TECPR2: variants seen among roughly 807,000 people sequenced by gnomAD.
TECPR2 encodes the protein tectonin beta-propeller repeat containing 2, also known as tectonin beta-propeller repeat-containing protein 2.
TECPR2 carries 65 observed loss-of-function variants against 138.1 expected under a neutral mutation model. The ratio of observed to expected loss-of-function variants is 0.47; its 90% CI spans 0.39 to 0.58. TECPR2 has a LOEUF of 0.58. Among genes scored for constraint, TECPR2 ranks in the 20% least tolerant of loss-of-function variants. The pLI, the probability that TECPR2 is intolerant of heterozygous loss-of-function variation, is 0.00. For missense variants in TECPR2, 1,553 were observed against 1,824.5 expected, an observed-to-expected ratio of 0.85 and a Z score of 2.71; for synonymous variants, 746 against 749.8, an observed-to-expected ratio of 0.99 and a Z score of 0.08.
In TECPR2 at chr14:102,415,559, G is replaced by T. The variant is rs536740128; in HGVS notation, c.638+766G>T. 2.6e-5 allele frequency among the ~76,000 whole-genome samples: 4 copies of T among 152,240 alleles called. No individual in the cohort carries two copies. Among genetic ancestry groups the T allele is most frequent in the East Asian group, 3.9e-4 (2 of 5,168 alleles). On this transcript the variant is annotated intron_variant, in intron 5 of 19. Coordinates refer to ENST00000359520, the MANE Select transcript of TECPR2 (RefSeq NM_014844.5). This position sits in a 1 kb window ranked among gnomAD's most constrained non-coding sequence, Gnocchi z 4.3. ...TTGTAGGACTCTGCAGCGAGTTTGC[G>T]TGGGGATGGGGTGAGGAGGGGTAGG...
intron 16 of TECPR2, among the ~76,000 whole-genome samples, chr14:102,453,496 G>GA (rs557599302): frequency 6.6e-6 from 1 of 151,432 alleles, no homozygotes; most frequent in African/African-American, 2.4e-5. Context: ...AAAAAAAGAA[G>GA]AAGAAAGAAA....
At chr14:102,472,469 A>T (rs1890671599) in intron 17 of TECPR2, among the ~76,000 whole-genome samples, 1 of 152,218 alleles carries the variant, frequency 6.6e-6, no homozygotes, top group African/African-American at 2.4e-5. Flanking sequence ...TGCTCTGAAT[A>T]AAGTAGTGAT....
At chr14:102,449,003 A>G (rs1261552264) in intron 13 of TECPR2, among the ~76,000 whole-genome samples, 2 of 151,726 alleles carry the variant, frequency 1.3e-5, no homozygotes, top group East Asian at 3.9e-4. Flanking sequence ...GGTTCATGCC[A>G]GTAATCCCAA....
chr14:102,464,663 G>A (rs1354346231), intron 16 of TECPR2, among the ~76,000 whole-genome samples: 2 of 152,208 alleles, frequency 1.3e-5, no homozygotes, highest in African/African-American at 4.8e-5. Flanking sequence ...AAGATTACAG[G>A]TGTGTGCCAC....
intron 7 of TECPR2, among the ~76,000 whole-genome samples, chr14:102,430,394 G>A (rs145196828): frequency 8.5e-5 from 13 of 152,292 alleles, no homozygotes; most frequent in Non-Finnish European, 1.8e-4. Flanking sequence ...TCAGCAAGTC[G>A]CTTCACAGCA....
In TECPR2 at chr14:102,407,426, T is replaced by C. The variant is rs763375548; in HGVS notation, c.308T>C (p.Val103Ala). 4 of 1,613,322 alleles carry C rather than the reference T, an allele frequency of 2.5e-6. No homozygotes were observed. In the African/African-American group the frequency reaches 5.3e-5, roughly 22 times the overall value. Reference protein sequence around the residue: ...AAGTASGRVAVFQLVSSLPGR... With the variant: ...AAGTASGRVAAFQLVSSLPGR... Reference sequence around the variant, plus strand: ...GGCACAGCCTCTGGCAGGGTTGCAGTTTTTCAACTTGTATCTTCATTGCCA... The same window carrying C: ...GGCACAGCCTCTGGCAGGGTTGCAGCTTTTCAACTTGTATCTTCATTGCCA... The change falls in exon 3 of 20, where the codon GTT (valine) becomes GCT (alanine). Residue 103 changes from valine to alanine, a missense_variant. Coordinates refer to ENST00000359520, the MANE Select transcript of TECPR2 (RefSeq NM_014844.5).
At chr14:102,465,495 C>A (rs1335875375) in intron 17 of TECPR2, 1 of 1,339,450 alleles carries the variant, frequency 7.5e-7, no homozygotes, top group African/African-American at 1.5e-5. Context: ...CAGACTGTTA[C>A]AGATTATGAG....
At chr14:102,425,720 C>G (rs368555500) in intron 6 of TECPR2, among the ~76,000 whole-genome samples, 1 of 149,562 alleles carries the variant, frequency 6.7e-6, no homozygotes, top group Non-Finnish European at 1.5e-5. Context: ...GGATTACAGA[C>G]GCATGCCACC....
At chr14:102,444,350 G>A (rs1022259024) in intron 12 of TECPR2, among the ~76,000 whole-genome samples, 1 of 151,822 alleles carries the variant, frequency 6.6e-6, no homozygotes, top group African/African-American at 2.4e-5. Context: ...ATGCCACCAT[G>A]CCCAGCTAAT....
chr14:102,477,139 G>A (rs959600327), intron 17 of TECPR2, among the ~76,000 whole-genome samples: 2 of 152,248 alleles, frequency 1.3e-5, no homozygotes, highest in African/African-American at 4.8e-5. Flanking sequence ...GGAGGCCAGG[G>A]CGGGTGGATG....
chr14:102,458,966 C>CACATAT (rs1260702159), intron 16 of TECPR2, among the ~76,000 whole-genome samples: 21 of 138,364 alleles, frequency 1.5e-4, no homozygotes, highest in Middle Eastern at 3.3e-3. Context: ...AAAATACACA[C>CACATAT]ATATATATAT....
At chr14:102,433,494 TTTTA>T (rs10667656) in intron 8 of TECPR2, among the ~76,000 whole-genome samples, 144 of 150,098 alleles carry the variant, frequency 9.6e-4, no homozygotes, top group African/African-American at 2.9e-3. Flanking sequence ...CATTCTTTAT[TTTTA>T]TTTATTTATT....
intron 17 of TECPR2, among the ~76,000 whole-genome samples, chr14:102,480,069 A>G (rs1177416158): frequency 2.6e-5 from 4 of 152,170 alleles, no homozygotes; most frequent in Non-Finnish European, 5.9e-5. Flanking sequence ...CTCGCCTTTC[A>G]CTTTCATTTT....
chr14:102,452,138 A>G (rs550230103), intron 15 of TECPR2, among the ~76,000 whole-genome samples: 1 of 152,366 alleles, frequency 6.6e-6, no homozygotes, highest in South Asian at 2.1e-4. Context: ...CCTTCATAAA[A>G]TCTCCTAAGC....
In TECPR2 at chr14:102,415,967, G is replaced by A. The variant is rs1889014032; in HGVS notation, c.638+1174G>A. On this transcript the variant is annotated intron_variant, in intron 5 of 19. Transcript: ENST00000359520. The surrounding 1 kb of genome is among the most constrained non-coding windows in gnomAD (Gnocchi z 4.3). ...GGGTGAGGCGGAGCCAGCCCCTGTG[G>A]TCGTAGTCACTGCCCGTTATTCTGT... 6.6e-6 allele frequency among the ~76,000 whole-genome samples: 1 copy of A among 152,138 alleles called. No homozygotes were observed. Among genetic ancestry groups the A allele is most frequent in the South Asian group, 2.1e-4 (1 of 4,828 alleles).
chr14:102,436,929 T>G, intron 9 of TECPR2: 1 of 952,432 alleles, frequency 1.0e-6, no homozygotes, highest in Non-Finnish European at 1.3e-6. Flanking sequence ...GTATTGGAAT[T>G]CTAGGCCAGA....
intron 17 of TECPR2, among the ~76,000 whole-genome samples, chr14:102,486,643 CAG>C (rs1256238429): frequency 1.3e-5 from 2 of 152,142 alleles, no homozygotes; most frequent in Admixed American, 6.5e-5. Flanking sequence ...CCAGTGAGGA[CAG>C]AGAGAGAGCT....
intron 16 of TECPR2, among the ~76,000 whole-genome samples, chr14:102,460,684 A>C (rs1429468483): frequency 7.1e-6 from 1 of 140,344 alleles, no homozygotes; most frequent in East Asian, 2.2e-4. Context: ...AATGAACATG[A>C]TTTCTACCTT....
chr14:102,418,458 TG>T (rs1485782649), intron 5 of TECPR2, among the ~76,000 whole-genome samples: 3 of 152,216 alleles, frequency 2.0e-5, no homozygotes, highest in East Asian at 3.9e-4. Flanking sequence ...GGAGGTAGCA[TG>T]GGCTGATTCC....
Sources: gnomAD v4.1 joint callset for allele counts (sites outside exome capture counted in the v4.1 genomes callset) on GRCh38, gnomAD v4.1.1 for gene constraint, Gnocchi (gnomAD v3.1) non-coding constraint, MANE v1.5 for transcripts, NCBI Gene and HGNC (gene_info 2026-07-23, HGNC 2026-07-21) for gene names.